CCDC43: variants seen among roughly 807,000 people sequenced by gnomAD.
CCDC43 encodes the protein coiled-coil domain-containing protein 43.
Under a neutral mutation model 33.3 loss-of-function variants are expected in CCDC43, and 20 were observed. That is an observed-to-expected ratio of 0.60 (90% CI 0.42 to 0.87). The LOEUF (loss-of-function observed/expected upper bound fraction) is 0.87, where lower values mean the gene tolerates loss of function less well. Ranked by LOEUF, CCDC43 falls within the 40% of genes least tolerant of loss-of-function variation. The pLI is 0.00. For missense variants in CCDC43, 248 were observed against 269.9 expected (o/e 0.92, Z 0.57); for synonymous variants, 104 against 106.5 (o/e 0.98, Z 0.14).
chr17:44,680,293 A>C (rs1972140591), intron 4 of CCDC43, among the ~76,000 whole-genome samples: 1 of 152,068 alleles, frequency 6.6e-6, no homozygotes, highest in Non-Finnish European at 1.5e-5. Flanking sequence ...TGACCTCAAT[A>C]TTATTTTAAT....
At chr17:44,682,728 C>T (rs573293389) in intron 2 of CCDC43, among the ~76,000 whole-genome samples, 2 of 151,902 alleles carry the variant, frequency 1.3e-5, no homozygotes, top group Admixed American at 6.6e-5. Context: ...TGGTGACGGG[C>T]GCCTGTAGTC....
At position 44,677,782 on chromosome 17, in the gene CCDC43, G is replaced by A. The variant is rs1972098916; in HGVS notation, c.*1074C>T. 1 of 152,174 alleles carries A rather than the reference G, an allele frequency of 6.6e-6. No homozygotes were observed. Among genetic ancestry groups the A allele is most frequent in the African/African-American group, 2.4e-5 (1 of 41,440 alleles). The allele number at this position is 152,174 out of a possible 1,614,324, so 9.4% of individuals were successfully genotyped here. A position where few individuals can be genotyped will look rare whatever the true frequency, so the allele number is the denominator to read the frequency against. ...AAATTCGGCCCGTGGGCAGTAGTTTGCCAACCCCTGGTATAAAATATCTAC... is the reference window on the plus strand; with the variant it reads ...AAATTCGGCCCGTGGGCAGTAGTTTACCAACCCCTGGTATAAAATATCTAC... On this transcript the variant is annotated 3_prime_UTR_variant, in exon 5 of 5. Transcript: ENST00000315286.
chr17:44,683,679 G>A (rs1972194271), intron 2 of CCDC43, among the ~76,000 whole-genome samples, 193 bp downstream of exon 2: 1 of 152,094 alleles, frequency 6.6e-6, no homozygotes, highest in Non-Finnish European at 1.5e-5. Context: ...AGTCGAAATG[G>A]AAAAATGCAA....
rs1352276393 is a variant in CCDC43, at chr17:44,678,321, C to A, written c.*535G>T. 1 of 151,992 alleles carries A rather than the reference C, an allele frequency of 6.6e-6. No homozygotes were observed. Among genetic ancestry groups the A allele is most frequent in the Non-Finnish European group, 1.5e-5 (1 of 68,018 alleles). 9.4% of individuals were successfully genotyped at this position (151,992 alleles called of 1,614,324 possible). A position where few individuals can be genotyped will look rare whatever the true frequency, so the allele number is the denominator to read the frequency against. ...AAAAAAAAAAATCAGATCTAGAACA[C>A]CCCGCAAGTAATTTCTTCCCATTTT... On this transcript the variant is annotated 3_prime_UTR_variant, in exon 5 of 5. Transcript: ENST00000315286.
chr17:44,686,591 A>T, intron 1 of CCDC43, among the ~76,000 whole-genome samples: 1 of 152,236 alleles, frequency 6.6e-6, no homozygotes, highest in Non-Finnish European at 1.5e-5. Context: ...AATGTAGTTC[A>T]ATCATCCATT....
At chr17:44,684,201 G>A (rs886325588) in intron 1 of CCDC43, among the ~76,000 whole-genome samples, 1 of 152,080 alleles carries the variant, frequency 6.6e-6, no homozygotes, top group Non-Finnish European at 1.5e-5. Context: ...AGCTCCAAGG[G>A]AAGATTCATA....
At chr17:44,684,712 G>C (rs1209383194) in intron 1 of CCDC43, among the ~76,000 whole-genome samples, 1 of 151,486 alleles carries the variant, frequency 6.6e-6, no homozygotes, top group Non-Finnish European at 1.5e-5. Flanking sequence ...AAAAAAGAAA[G>C]AAAGAAAGAA....
In CCDC43 at chr17:44,680,952, A is replaced by G. The variant is rs185454499; in HGVS notation, c.429-309T>C. ...AAGTGTGGTTCACAAAACCCCCAGG[A>G]ATATATTAGAAATACACATTCTTGG... On this transcript the variant is annotated intron_variant, in intron 3 of 4. Transcript: ENST00000315286. 3.3e-3 allele frequency among the ~76,000 whole-genome samples: 497 copies of G among 152,318 alleles called. 1 individual carries two copies. The highest frequency in any genetic ancestry group is 5.3e-3 in the Non-Finnish European group (362 of 68,026).
intron 1 of CCDC43, among the ~76,000 whole-genome samples, chr17:44,685,794 T>C (rs1463902388): frequency 2.0e-5 from 3 of 152,210 alleles, no homozygotes; most frequent in Non-Finnish European, 4.4e-5. Context: ...CATTAAGTAC[T>C]ATTTTACTCT....
chr17:44,680,034 G>A (rs901233152), intron 4 of CCDC43, among the ~76,000 whole-genome samples: 7 of 152,182 alleles, frequency 4.6e-5, no homozygotes, highest in African/African-American at 1.7e-4. Context: ...CCAGAGTGCA[G>A]TGGCAAGATC....
intron 2 of CCDC43, among the ~76,000 whole-genome samples, chr17:44,682,580 G>A (rs117391590): frequency 0.023 from 3,539 of 152,182 alleles, 64 homozygotes; most frequent in Middle Eastern, 0.068. Flanking sequence ...TATTTTGGCC[G>A]GGCGCGGTGG....
rs909677890 is a variant in CCDC43 at position 44,679,855 on chromosome 17, C to T, written c.487+730G>A. On this transcript the variant is annotated intron_variant, in intron 4 of 4. Transcript: ENST00000315286. ...GCTGCAGTGAGCCGAGATCGCACCA[C>T]TGCACTCCAGCCTGGGCAACAGAGC... Among the ~76,000 whole-genome samples, 4 of 151,750 alleles carry T rather than the reference C, an allele frequency of 2.6e-5. No individual in the cohort carries two copies. The South Asian group carries it at 8.3e-4, about 32-fold the overall frequency.
intron 3 of CCDC43, chr17:44,681,769 G>A (rs1464363643): frequency 1.9e-6 from 1 of 523,346 alleles, no homozygotes; most frequent in Admixed American, 3.3e-5. Context: ...GACATTATTT[G>A]TTTTACACCA....
rs754628618 is a variant in CCDC43 at position 44,683,937 on chromosome 17, A to T, written c.227T>A (p.Ile76Asn). The T allele has an allele frequency of 3.7e-6, 6 of 1,612,060 alleles. No individual in the cohort carries two copies. The highest frequency in any genetic ancestry group is 5.1e-6 in the Non-Finnish European group (6 of 1,178,196). Residue 76 changes from isoleucine (I) to asparagine (N), a missense_variant, in exon 2 of 5, where the codon ATC becomes AAC. Physicochemically the swap from Ile to Asn is moderately radical, Grantham distance 149. Transcript: ENST00000315286. ...CCATCGTTCCACAATCTCCTTGCAGATATTAAGGAGGGAATCTTCTTCCTA... is the reference window on the plus strand; with the variant it reads ...CCATCGTTCCACAATCTCCTTGCAGTTATTAAGGAGGGAATCTTCTTCCTA... Reference protein sequence around the residue: ...AFLEEDSLLNICKEIVERWSE... With the variant: ...AFLEEDSLLNNCKEIVERWSE...
rs1317934659 is a variant in CCDC43, at chr17:44,683,889, G to C, written c.275C>G (p.Thr92Ser). Residue 92 changes from threonine (T) to serine (S), a missense_variant, in exon 2 of 5, where the codon ACC becomes AGC. Coordinates refer to ENST00000315286, the MANE Select transcript of CCDC43 (RefSeq NM_144609.3). ...GACTCTACCTTCTTTTTTCACTTTG[G>C]TGACAACATTCTGAGTTTCTGACCA... ...ERWSETQNVVTKVKKEDEVQA... is the reference protein window; with the variant it reads ...ERWSETQNVVSKVKKEDEVQA... The C allele has an allele frequency of 1.9e-6, 3 of 1,612,104 alleles. No homozygotes were observed. Among genetic ancestry groups the C allele is most frequent in the Non-Finnish European group, 2.5e-6 (3 of 1,178,316 alleles).
At chr17:44,686,317 C>T (rs1972236057) in intron 1 of CCDC43, among the ~76,000 whole-genome samples, 1 of 152,198 alleles carries the variant, frequency 6.6e-6, no homozygotes, top group Non-Finnish European at 1.5e-5. Flanking sequence ...CTTCCTCTAC[C>T]TTGCATCCTT....
At chr17:44,685,424 C>T (rs1457357507) in intron 1 of CCDC43, among the ~76,000 whole-genome samples, 1 of 152,204 alleles carries the variant, frequency 6.6e-6, no homozygotes, top group Non-Finnish European at 1.5e-5. Flanking sequence ...ACATATTCTG[C>T]ATACCAACCA....
Position 44,680,624 on chromosome 17 carries a change from C to T in CCDC43, c.448G>A (p.Asp150Asn). ...DEEDEADEKD[D>N]SGATTMNIGS... ...ATGTTCATTGTGGTAGCACCTGAAT[C>T]ATCCTTCTCATCTGCTTCAGTAAGT... The change falls in exon 4 of 5, where the codon GAT becomes AAT. Residue 150 changes from aspartate (D) to asparagine (N), a missense_variant. Coordinates refer to ENST00000315286, the MANE Select transcript of CCDC43 (RefSeq NM_144609.3). 6.2e-7 allele frequency: 1 copy of T among 1,609,064 alleles called. No individual in the cohort carries two copies. The highest frequency in any genetic ancestry group is 1.7e-4 in the Middle Eastern group (1 of 6,044).
chr17:44,685,975 G>A (rs1972229567), intron 1 of CCDC43, among the ~76,000 whole-genome samples: 1 of 151,866 alleles, frequency 6.6e-6, no homozygotes, highest in African/African-American at 2.4e-5. Flanking sequence ...GTGCAGTGGC[G>A]CGATCTCGGC....
Sources: gnomAD v4.1 joint callset for allele counts (sites outside exome capture counted in the v4.1 genomes callset) on GRCh38, gnomAD v4.1.1 for gene constraint, MANE v1.5 for transcripts, NCBI Gene and HGNC (gene_info 2026-07-23, HGNC 2026-07-21) for gene names.